Variants in MYL3 observed in about 807,000 individuals in gnomAD.
MYL3 encodes CMLC1.
A neutral mutation model predicts 21.3 loss-of-function variants in MYL3; 11 were observed. The ratio of observed to expected loss-of-function variants is 0.52; its 90% confidence interval spans 0.32 to 0.85. The LOEUF is 0.85. Among genes scored for constraint, MYL3 ranks in the 40% least tolerant of loss-of-function variants. The pLI is 0.03. For missense variants in MYL3, 206 were observed against 253.3 expected (o/e 0.81, Z 1.27); for synonymous variants, 88 against 91.6 (o/e 0.96, Z 0.22).
chr3:46,879,490 C>T lies in MYL3; in HGVS notation c.-218+2584G>A, dbSNP rs2106939409. The stretch of plus-strand genomic sequence containing the variant: ...AGGTGCGGTGGTTCATGCCTGTAAT[C>T]CCAGCACTTTGGGAGGCCGAGGCAG... On this transcript the variant is annotated intron_variant, in intron 1 of 3. Transcript: ENST00000431168. The surrounding 1 kb of genome is among the most constrained non-coding windows in gnomAD (Gnocchi z 4.7). Among the ~76,000 whole-genome samples, 1 of 152,288 alleles carries T rather than the reference C, an allele frequency of 6.6e-6. No individual in the cohort carries two copies. Among genetic ancestry groups the T allele is most frequent in the South Asian group, 2.1e-4 (1 of 4,830 alleles).
chr3:46,876,485 A>G lies in MYL3; in HGVS notation c.-218+5589T>C, dbSNP rs370102145. On this transcript the variant is annotated intron_variant, in intron 1 of 3. Coordinates refer to the MYL3 transcript ENST00000431168. ...TCAGAGTAGCTGGGGCAGGAGTCCC[A>G]TAAGTGCTGTTTGTCATAGTTTCAC... 9.8e-5 allele frequency among the ~76,000 whole-genome samples: 15 copies of G among 152,320 alleles called. No homozygotes were observed. In the South Asian group the frequency reaches 1.0e-3, roughly 11 times the overall value.
At chr3:46,858,549 T>G in intron 4 of MYL3, 88 bp from the exon 5 acceptor site, 1 of 1,291,894 alleles carries the variant, frequency 7.7e-7, no homozygotes, top group Non-Finnish European at 1.1e-6. Context: ...AGATGGTGGC[T>G]CAACCTCTCC....
In MYL3 at chr3:46,859,446, G is replaced by A; in HGVS notation, c.481+29C>T. ...TTCTCCCAGGATGTCCCTGGAAGGA[G>A]TTGGGGTAGGGGAGGAGGCTGCCCT... On this transcript the variant is annotated intron_variant, in intron 4 of 6. Coordinates refer to ENST00000292327, the MANE Select transcript of MYL3 (RefSeq NM_000258.3). The surrounding 1 kb of genome is among the most constrained non-coding windows in gnomAD (Gnocchi z 4.1). 6 of 1,613,758 alleles carry A rather than the reference G, an allele frequency of 3.7e-6. No individual in the cohort carries two copies. The highest frequency in any genetic ancestry group is 5.1e-6 in the Non-Finnish European group (6 of 1,179,892).
intron 1 of MYL3, among the ~76,000 whole-genome samples, chr3:46,872,939 G>A (rs1004336218): frequency 2.6e-5 from 4 of 152,214 alleles, no homozygotes; most frequent in African/African-American, 9.6e-5. Context: ...GAGAGACAAA[G>A]AGGTAAGGGA....
At position 46,858,284 on chromosome 3, in the gene MYL3, A is replaced by C; in HGVS notation, c.560-12T>G. ...GTGCTTCACAAATGCTGGAAAGAAGAGGAGAGTGAGTGGCAGGAGTGCAAC... is the reference window on the plus strand; with the variant it reads ...GTGCTTCACAAATGCTGGAAAGAAGCGGAGAGTGAGTGGCAGGAGTGCAAC... On this transcript the variant is annotated splice_polypyrimidine_tract_variant and intron_variant, in intron 5 of 6. Transcript: ENST00000292327. 1 of 1,614,140 alleles carries C rather than the reference A, an allele frequency of 6.2e-7. No individual in the cohort carries two copies. The highest frequency in any genetic ancestry group is 8.5e-7 in the Non-Finnish European group (1 of 1,180,012).
At chr3:46,858,650 T>C (rs1377178017) in intron 4 of MYL3, among the ~76,000 whole-genome samples, 189 bp from the exon 5 acceptor site, 2 of 152,208 alleles carry the variant, frequency 1.3e-5, no homozygotes, top group African/African-American at 4.8e-5. Context: ...AGAAGGGGCC[T>C]GGGGTGCAGT....
At chr3:46,877,975 A>G (rs2030331527) in intron 1 of MYL3, 1 of 152,294 alleles carries the variant, frequency 6.6e-6, no homozygotes, top group Admixed American at 6.5e-5. Context: ...GCATGGAGAC[A>G]CATCTGTGGA....
chr3:46,875,970 G>A (rs1192495802), intron 1 of MYL3, among the ~76,000 whole-genome samples: 12 of 152,222 alleles, frequency 7.9e-5, no homozygotes, highest in Non-Finnish European at 1.5e-5. Context: ...CGGAGCTGAG[G>A]GCCAGACTTG....
chr3:46,872,340 A>C (rs1482532306), intron 1 of MYL3, among the ~76,000 whole-genome samples: 2 of 152,172 alleles, frequency 1.3e-5, no homozygotes, highest in Non-Finnish European at 2.9e-5. Flanking sequence ...CAGTGAGCCC[A>C]TCCATCCAAA....
rs1435096286 is a variant in MYL3, at chr3:46,859,530, C to T, written c.426G>A (p.Lys142=). Residue 142 remains lysine, a synonymous_variant, in exon 4 of 7, where the codon AAG becomes AAA. Transcript: ENST00000292327. This position sits in a 1 kb window ranked among gnomAD's most constrained non-coding sequence, Gnocchi z 4.1. The stretch of plus-strand genomic sequence containing the variant: ...CACCCATGACAGTGCCATTGCCCTC[C>T]TTGTCGAAGACCCGCAGCCCCTCCA... The part of the protein sequence containing the change: ...DFVEGLRVFD[K]EGNGTVMGAE... The T allele has an allele frequency of 2.5e-6, 4 of 1,614,104 alleles. No individual in the cohort carries two copies. The highest frequency in any genetic ancestry group is 1.7e-5 in the Admixed American group (1 of 60,012).
At position 46,859,742 on chromosome 3, in the gene MYL3, A is replaced by G. The variant is rs910781689; in HGVS notation, c.308-94T>C. The G allele has an allele frequency of 2.9e-6, 4 of 1,392,160 alleles. No individual in the cohort carries two copies. In the African/African-American group the frequency reaches 4.3e-5, roughly 15 times the overall value. The allele number at this position is 1,392,160 out of a possible 1,614,324, so 86.2% of individuals were successfully genotyped here. The stretch of plus-strand genomic sequence containing the variant: ...TAATGAGGAGCTATCCCCACCTCTC[A>G]CACAGTTCTACAACAGTCTACACCA... On this transcript the variant is annotated intron_variant, in intron 3 of 6. Transcript: ENST00000292327. This position sits in a 1 kb window ranked among gnomAD's most constrained non-coding sequence, Gnocchi z 4.1.
intron 1 of MYL3, chr3:46,881,067 G>A (rs2030526589): frequency 1.3e-5 from 2 of 152,434 alleles, no homozygotes; most frequent in Non-Finnish European, 2.9e-5. Context: ...TGCAGATGAG[G>A]AAACTGAGGT....
chr3:46,876,525 A>G (rs2030225332), intron 1 of MYL3, among the ~76,000 whole-genome samples: 1 of 152,230 alleles, frequency 6.6e-6, no homozygotes, highest in Non-Finnish European at 1.5e-5. Context: ...TCCCCTGGCC[A>G]GTCCATTCTG....
Position 46,860,613 on chromosome 3 carries a change from G to C in MYL3, c.307+63C>G, listed in dbSNP as rs937808134. ...CTCGTGCTATCCCGCAGGATGGATGGCAGCCCACCCAGCCAGTCTCCCCGG... is the reference window on the plus strand; with the variant it reads ...CTCGTGCTATCCCGCAGGATGGATGCCAGCCCACCCAGCCAGTCTCCCCGG... On this transcript the variant is annotated intron_variant, in intron 3 of 6. Transcript: ENST00000292327. The surrounding 1 kb of genome is among the most constrained non-coding windows in gnomAD (Gnocchi z 4.6). 1 of 1,599,504 alleles carries C rather than the reference G, an allele frequency of 6.3e-7. No individual in the cohort carries two copies.
At chr3:46,878,458 C>T (rs114328147) in intron 1 of MYL3, among the ~76,000 whole-genome samples, 3,128 of 152,268 alleles carry the variant, frequency 0.021, 56 homozygotes, top group Non-Finnish European at 0.034. Context: ...CAGCCTGAGG[C>T]TGGGGCTCAT....
intron 6 of MYL3, 35 bp downstream of exon 6, chr3:46,858,196 G>C (rs1232223441): frequency 6.2e-6 from 10 of 1,610,400 alleles, no homozygotes; most frequent in Non-Finnish European, 6.8e-6. Flanking sequence ...GTGGGCAGGT[G>C]GCAGCAGCGG....
intron 1 of MYL3, among the ~76,000 whole-genome samples, chr3:46,876,148 G>C (rs2030200259): frequency 6.6e-6 from 1 of 152,256 alleles, no homozygotes; most frequent in East Asian, 1.9e-4. Context: ...CTGCCCAACT[G>C]TTAACAACAG....
In MYL3 at chr3:46,861,132, G is replaced by T; in HGVS notation, c.130-145C>A. The T allele has an allele frequency of 1.1e-6, 1 of 944,728 alleles. No homozygotes were observed. Among genetic ancestry groups the T allele is most frequent in the Non-Finnish European group, 1.7e-6 (1 of 591,698 alleles). 58.5% of individuals were successfully genotyped at this position (944,728 alleles called of 1,614,324 possible). On this transcript the variant is annotated intron_variant, in intron 1 of 6. Coordinates refer to ENST00000292327, the MANE Select transcript of MYL3 (RefSeq NM_000258.3). The surrounding 1 kb of genome is among the most constrained non-coding windows in gnomAD (Gnocchi z 4.2). ...CCAGCCTGCACCCCCAGGACCTCCT[G>T]CAGTCCATCTTGACGCCCTCCTGCC...
chr3:46,874,750 G>A lies in MYL3; in HGVS notation c.-218+7324C>T, dbSNP rs531748918. Reference sequence around the variant, plus strand: ...AGACCCCCCCCCACACACACAATAGGGACGCACTAGGCTTCTGGGGATTTT... The same window carrying A: ...AGACCCCCCCCCACACACACAATAGAGACGCACTAGGCTTCTGGGGATTTT... On this transcript the variant is annotated intron_variant, in intron 1 of 3. Coordinates refer to the MYL3 transcript ENST00000431168. This position sits in a 1 kb window ranked among gnomAD's most constrained non-coding sequence, Gnocchi z 4.1. Among the ~76,000 whole-genome samples, 1 of 152,252 alleles carries A rather than the reference G, an allele frequency of 6.6e-6. No homozygotes were observed. The highest frequency in any genetic ancestry group is 2.1e-4 in the South Asian group (1 of 4,818).
Sources: allele counts gnomAD v4.1 joint callset (sites outside exome capture counted in the v4.1 genomes callset), GRCh38; gene constraint gnomAD v4.1.1; non-coding constraint Gnocchi (gnomAD v3.1); transcripts MANE v1.5; gene names NCBI Gene and HGNC (gene_info 2026-07-23, HGNC 2026-07-21).